RBL1: variants seen among roughly 807,000 people sequenced by gnomAD.
RBL1 encodes RB transcriptional corepressor like 1.
Under a neutral mutation model 123.0 loss-of-function variants are expected in RBL1, and 82 were observed. The ratio of observed to expected loss-of-function variants is 0.67; its 90% CI spans 0.56 to 0.80. The LOEUF (loss-of-function observed/expected upper bound fraction) is 0.80, where lower values mean the gene tolerates loss of function less well. Ranked by LOEUF, RBL1 falls within the 30% of genes least tolerant of loss-of-function variation. The pLI is 0.00. For missense variants in RBL1, 1,171 were observed against 1,299.6 expected, an observed-to-expected ratio of 0.90 and a Z score of 1.52; for synonymous variants, 405 against 441.3, an observed-to-expected ratio of 0.92 and a Z score of 1.03.
chr20:37,036,845 T>C lies in RBL1; in HGVS notation c.1904-1337A>G, dbSNP rs577656687. 1.2e-4 allele frequency among the ~76,000 whole-genome samples: 18 copies of C among 152,226 alleles called. No individual in the cohort carries two copies. In the South Asian group the frequency reaches 3.7e-3, roughly 32 times the overall value. On this transcript the variant is annotated intron_variant, in intron 14 of 21. Transcript: ENST00000373664. ...TTTCACCGTGTTAGCCAGGATGGTC[T>C]CGATCTCCTGACCTCGTGATCTGCC...
rs111507752 is a variant in RBL1 at position 37,037,719 on chromosome 20, A to T, written c.1904-2211T>A. 3.2e-3 allele frequency among the ~76,000 whole-genome samples: 487 copies of T among 151,400 alleles called. 7 individuals carry two copies. The highest frequency in any genetic ancestry group is 0.011 in the African/African-American group (473 of 41,222). On this transcript the variant is annotated intron_variant, in intron 14 of 21. Transcript: ENST00000373664. ...GAGACGGAGTCTCACTCTGTCGACCAGGCTGGAGTGCAGTGGCACAATCTC... is the reference window on the plus strand; with the variant it reads ...GAGACGGAGTCTCACTCTGTCGACCTGGCTGGAGTGCAGTGGCACAATCTC...
At chr20:37,078,677 TTG>T (rs2065401510) in intron 2 of RBL1, among the ~76,000 whole-genome samples, 1 of 152,126 alleles carries the variant, frequency 6.6e-6, no homozygotes, top group South Asian at 2.1e-4. Flanking sequence ...AGAACAAATA[TTG>T]TAGGATGACA....
intron 11 of RBL1, among the ~76,000 whole-genome samples, chr20:37,048,572 T>C (rs181670475): frequency 6.6e-6 from 1 of 152,226 alleles, no homozygotes; most frequent in Admixed American, 6.5e-5. Context: ...AGCAGATAAG[T>C]CTCTAATACT....
intron 14 of RBL1, 56 bp downstream of exon 14, chr20:37,040,097 A>G (rs1308435666): frequency 2.5e-6 from 4 of 1,598,342 alleles, no homozygotes; most frequent in Non-Finnish European, 3.4e-6. Context: ...TTTTCCCTGA[A>G]AAAAAGCCAA....
rs574917066 is a variant in RBL1 at position 37,084,642 on chromosome 20, G to A, written c.290+4347C>T. Among the ~76,000 whole-genome samples, 3 of 152,164 alleles carry A rather than the reference G, an allele frequency of 2.0e-5. 1 individual carries two copies. Among genetic ancestry groups the A allele is most frequent in the South Asian group, 2.1e-4 (1 of 4,822 alleles). On this transcript the variant is annotated intron_variant, in intron 2 of 21. Transcript: ENST00000373664. ...GAGCCTGTGATGTCTAGGCTGTAGT[G>A]AGCTGTGATCACACCACTACACTCC...
intron 19 of RBL1, among the ~76,000 whole-genome samples, chr20:37,011,293 C>T (rs1271829402): frequency 1.3e-5 from 2 of 152,168 alleles, no homozygotes; most frequent in Non-Finnish European, 2.9e-5. Context: ...AGTCTGCTAA[C>T]ATGACATTGA....
intron 1 of RBL1, among the ~76,000 whole-genome samples, chr20:37,089,473 T>C (rs2065611961): frequency 6.6e-6 from 1 of 151,494 alleles, no homozygotes; most frequent in Non-Finnish European, 1.5e-5. Context: ...CAACGTAGAC[T>C]CTAAAAATGA....
chr20:37,018,330 C>A lies in RBL1; in HGVS notation c.2671G>T (p.Val891Phe), dbSNP rs774526314. The change falls in exon 19 of 22, where the codon GTT becomes TTT. Residue 891 changes from valine to phenylalanine, a missense_variant. Val to Phe is a conservative substitution (Grantham distance 50). Coordinates refer to ENST00000373664, the MANE Select transcript of RBL1 (RefSeq NM_002895.5). Reference sequence around the variant, plus strand: ...TTTATATTTTTATTATATGCCACAACTTCTCTTGGAATACTTTTCAGCAGA... The same window carrying A: ...TTTATATTTTTATTATATGCCACAAATTCTCTTGGAATACTTTTCAGCAGA... ...SVLLKSIPREVVAYNKNINDD... is the reference protein window; with the variant it reads ...SVLLKSIPREFVAYNKNINDD... 6.8e-6 allele frequency: 11 copies of A among 1,611,460 alleles called. No individual in the cohort carries two copies. The East Asian group carries it at 2.5e-4, about 36-fold the overall frequency.
In RBL1 at chr20:37,062,251, A is replaced by T; in HGVS notation, c.916T>A (p.Tyr306Asn). 1 of 1,613,892 alleles carries T rather than the reference A, an allele frequency of 6.2e-7. No homozygotes were observed. Among genetic ancestry groups the T allele is most frequent in the Non-Finnish European group, 8.5e-7 (1 of 1,179,954 alleles). Residue 306 changes from tyrosine (Y) to asparagine (N), a missense_variant, in exon 8 of 22, where the codon TAT becomes AAT. Transcript: ENST00000373664. ...TDNSKAVNKEYEEYVLTVGDF... is the reference protein window; with the variant it reads ...TDNSKAVNKENEEYVLTVGDF... The stretch of plus-strand genomic sequence containing the variant: ...CCAACAGTTAGAACATACTCTTCAT[A>T]CTCCTTATTCACTGCTTTGCTGCAA...
intron 9 of RBL1, among the ~76,000 whole-genome samples, chr20:37,056,851 A>C (rs568238283): frequency 2.6e-5 from 4 of 152,194 alleles, no homozygotes; most frequent in Non-Finnish European, 2.9e-5. Flanking sequence ...TATGAGTGGA[A>C]TCATGCAGTA....
At chr20:37,080,190 G>A (rs927926816) in intron 2 of RBL1, among the ~76,000 whole-genome samples, 1 of 151,586 alleles carries the variant, frequency 6.6e-6, no homozygotes, top group African/African-American at 2.4e-5. Context: ...CAAGAGTCTC[G>A]CTCTGTTGCC....
intron 9 of RBL1, among the ~76,000 whole-genome samples, chr20:37,058,119 A>AG (rs2065038196): frequency 6.8e-6 from 1 of 146,210 alleles, no homozygotes; most frequent in East Asian, 2.3e-4. Context: ...TCTGTCTAAA[A>AG]AAAAAAAAAA....
At chr20:37,081,466 C>A (rs921389732) in intron 2 of RBL1, among the ~76,000 whole-genome samples, 11 of 152,050 alleles carry the variant, frequency 7.2e-5, no homozygotes, top group African/African-American at 2.4e-4. Flanking sequence ...CAAAGCCAGA[C>A]CCAGTCTCTA....
intron 16 of RBL1, among the ~76,000 whole-genome samples, chr20:37,030,291 T>C (rs997299095): frequency 1.3e-5 from 2 of 152,194 alleles, no homozygotes; most frequent in African/African-American, 4.8e-5. Flanking sequence ...CCCATATCTA[T>C]GCTCAAGTGA....
intron 21 of RBL1, among the ~76,000 whole-genome samples, chr20:37,002,663 C>G (rs930954392): frequency 6.6e-6 from 1 of 151,258 alleles, no homozygotes; most frequent in Non-Finnish European, 1.5e-5. Flanking sequence ...CAAGCCCTCC[C>G]AATGATTTTA....
At chr20:37,062,037 G>C (rs377235383) in intron 8 of RBL1, 47 bp downstream of exon 8, 51 of 1,532,498 alleles carry the variant, frequency 3.3e-5, no homozygotes, top group East Asian at 1.6e-4. Context: ...ATCACACACA[G>C]AGAGAAAAAG....
At chr20:37,019,917 C>T (rs1212021852) in intron 18 of RBL1, among the ~76,000 whole-genome samples, 1 of 152,016 alleles carries the variant, frequency 6.6e-6, no homozygotes, top group African/African-American at 2.4e-5. Flanking sequence ...ACGGTCAGAA[C>T]AATATAATCA....
rs920686937 is a variant in RBL1 at position 37,068,256 on chromosome 20, T to G, written c.291-70A>C. ...TTAAATAATGGATTGAAAGGAAATA[T>G]TCTATTCATGACTAAGACTCTTTAT... On this transcript the variant is annotated intron_variant, in intron 2 of 21. Transcript: ENST00000373664. 9.4e-6 allele frequency: 14 copies of G among 1,485,942 alleles called. No individual in the cohort carries two copies. In the African/African-American group the frequency reaches 1.9e-4, roughly 20 times the overall value. 92.0% of individuals were successfully genotyped at this position (1,485,942 alleles called of 1,614,324 possible).
At chr20:37,062,740 G>C (rs1023347576) in intron 7 of RBL1, among the ~76,000 whole-genome samples, 3 of 151,634 alleles carry the variant, frequency 2.0e-5, no homozygotes, top group African/African-American at 7.3e-5. Flanking sequence ...CAGATCACGA[G>C]GTCAGGAGAT....
Sources: allele counts gnomAD v4.1 joint callset (sites outside exome capture counted in the v4.1 genomes callset), GRCh38; gene constraint gnomAD v4.1.1; transcripts MANE v1.5; gene names NCBI Gene and HGNC (gene_info 2026-07-23, HGNC 2026-07-21).